Variants in PTPRT observed in about 807,000 individuals in gnomAD.
PTPRT encodes the protein protein tyrosine phosphatase receptor type T.
In PTPRT, 56 loss-of-function variants were observed where a neutral mutation model predicts 176.8. The observed-to-expected ratio is 0.32, with a 90% CI of 0.26 to 0.40. The LOEUF is 0.40. Among genes scored for constraint, PTPRT ranks in the 10% least tolerant of loss-of-function variants. PTPRT has a pLI of 1.00. For synonymous variants in PTPRT, 783 were observed against 739.0 expected (o/e 1.06, Z -0.96); for missense variants, 1,540 against 1,908.2 (o/e 0.81, Z 3.60).
chr20:42,274,225 G>C (rs1042149388), intron 13 of PTPRT, among the ~76,000 whole-genome samples: 1 of 152,218 alleles, frequency 6.6e-6, no homozygotes, highest in Non-Finnish European at 1.5e-5. Context: ...GTAAGTGGAA[G>C]TGGCATGAGT....
At chr20:42,255,586 C>T (rs903858141) in intron 13 of PTPRT, among the ~76,000 whole-genome samples, 1 of 152,212 alleles carries the variant, frequency 6.6e-6, no homozygotes, top group African/African-American at 2.4e-5. Flanking sequence ...AGGCCCATAT[C>T]AGGCTTGCAT....
intron 1 of PTPRT, among the ~76,000 whole-genome samples, chr20:43,036,575 A>C (rs1022332637): frequency 6.6e-6 from 1 of 152,238 alleles, no homozygotes. Flanking sequence ...ATTTACAAAA[A>C]AAAACCCCAT....
chr20:43,078,314 G>T (rs1421061259), intron 1 of PTPRT, among the ~76,000 whole-genome samples: 1 of 152,218 alleles, frequency 6.6e-6, no homozygotes, highest in African/African-American at 2.4e-5. Context: ...CCTTGAAGCT[G>T]ACCACTCAGC....
intron 1 of PTPRT, among the ~76,000 whole-genome samples, chr20:43,043,396 G>GA (rs796798840): frequency 4.7e-5 from 7 of 150,314 alleles, no homozygotes; most frequent in African/African-American, 1.5e-4. Flanking sequence ...AAGAAGGAAA[G>GA]AAAAAAAAAT....
intron 1 of PTPRT, among the ~76,000 whole-genome samples, chr20:43,148,246 AC>A (rs1471808522): frequency 6.6e-6 from 1 of 152,032 alleles, no homozygotes; most frequent in Admixed American, 6.6e-5. Context: ...TTCACATGTC[AC>A]TGTCCTAGCA....
chr20:42,638,781 T>C (rs1471721396), intron 7 of PTPRT, among the ~76,000 whole-genome samples: 2 of 152,208 alleles, frequency 1.3e-5, no homozygotes, highest in Non-Finnish European at 2.9e-5. Context: ...TCACATTGTT[T>C]CTGCAATTAA....
At position 42,705,857 on chromosome 20, in the gene PTPRT, G is replaced by A. The variant is rs972042729; in HGVS notation, c.860-27698C>T. ...GTAGTTGTCTGTCACATAATAATAA[G>A]CATTTAGTACATGTTAGCTATTGAT... On this transcript the variant is annotated intron_variant, in intron 6 of 30. Coordinates refer to ENST00000373187, the MANE Select transcript of PTPRT (RefSeq NM_007050.6). Among the ~76,000 whole-genome samples the A allele has an allele frequency of 2.0e-5, 3 of 152,134 alleles. No homozygotes were observed. In the South Asian group the frequency reaches 6.2e-4, roughly 31 times the overall value.
At chr20:42,638,630 T>C (rs1439877043) in intron 7 of PTPRT, among the ~76,000 whole-genome samples, 2 of 152,128 alleles carry the variant, frequency 1.3e-5, no homozygotes, top group African/African-American at 2.4e-5. Flanking sequence ...AAACCCAAGT[T>C]TGAGCACAAG....
chr20:42,841,952 C>G (rs2078286502), intron 2 of PTPRT, among the ~76,000 whole-genome samples: 1 of 152,204 alleles, frequency 6.6e-6, no homozygotes, highest in Non-Finnish European at 1.5e-5. Context: ...CAGCTTTGCC[C>G]TGCTCCCCAC....
intron 13 of PTPRT, among the ~76,000 whole-genome samples, chr20:42,281,108 C>T (rs192161200): frequency 3.5e-4 from 53 of 152,294 alleles, no homozygotes; most frequent in African/African-American, 1.1e-3. Flanking sequence ...CTAGCTCTCC[C>T]GATTGCTGTC....
intron 2 of PTPRT, among the ~76,000 whole-genome samples, chr20:42,811,386 GT>G (rs1013032966): frequency 5.9e-5 from 9 of 151,460 alleles, no homozygotes; most frequent in South Asian, 2.1e-4. Context: ...GTCACTTTAA[GT>G]TTTTTTTTAA....
chr20:42,035,389 A>G, the PTPRT span, among the ~76,000 whole-genome samples: 1 of 152,168 alleles, frequency 6.6e-6, no homozygotes, highest in Non-Finnish European at 1.5e-5. Context: ...AATATAATGT[A>G]GCTCCATACC....
chr20:42,810,440 TTGAATC>T (rs2077683126), intron 2 of PTPRT, among the ~76,000 whole-genome samples: 1 of 152,194 alleles, frequency 6.6e-6, no homozygotes, highest in South Asian at 2.1e-4. Flanking sequence ...TAAATATCTA[TTGAATC>T]TGAATCAGCT....
chr20:42,216,730 C>T (rs73268839), intron 15 of PTPRT, among the ~76,000 whole-genome samples: 6,966 of 152,232 alleles, frequency 0.046, 514 homozygotes, highest in African/African-American at 0.16. Context: ...TGAGCTTCCC[C>T]GTGTCTACGA....
At chr20:42,354,305 C>T (rs180847542) in intron 9 of PTPRT, among the ~76,000 whole-genome samples, 7 of 152,098 alleles carry the variant, frequency 4.6e-5, no homozygotes, top group Middle Eastern at 3.4e-3. Flanking sequence ...TCCTATGAAA[C>T]GCGCTTTTTT....
At chr20:42,101,419 G>A (rs2146233408) in intron 26 of PTPRT, among the ~76,000 whole-genome samples, 1 of 152,280 alleles carries the variant, frequency 6.6e-6, no homozygotes, top group Admixed American at 6.5e-5. Context: ...CCTTGGAGGG[G>A]AAGTGATGAT....
chr20:42,426,161 T>C (rs1235323177), intron 9 of PTPRT, among the ~76,000 whole-genome samples: 1 of 152,048 alleles, frequency 6.6e-6, no homozygotes, highest in Non-Finnish European at 1.5e-5. Flanking sequence ...CAGCCCTAAA[T>C]GGGAACAGGC....
intron 9 of PTPRT, among the ~76,000 whole-genome samples, chr20:42,397,077 T>C (rs998163242): frequency 6.6e-6 from 1 of 152,230 alleles, no homozygotes; most frequent in Non-Finnish European, 1.5e-5. Context: ...ATTCATTTAC[T>C]ATCTGTCGCA....
At position 42,289,641 on chromosome 20, in the gene PTPRT, G is replaced by T. The variant is rs1296552281; in HGVS notation, c.2140-7116C>A. On this transcript the variant is annotated intron_variant, in intron 12 of 30. Transcript: ENST00000373187. ...CAAAAAAATAACAGATGTTGGCAAG[G>T]TTGCAGAGAAAGGGGAATACTCTGT... 3.9e-5 allele frequency among the ~76,000 whole-genome samples: 6 copies of T among 152,208 alleles called. 1 individual carries two copies. The Middle Eastern group carries it at 0.014, about 345-fold the overall frequency.
Sources: allele counts gnomAD v4.1 joint callset (sites outside exome capture counted in the v4.1 genomes callset), GRCh38; gene constraint gnomAD v4.1.1; transcripts MANE v1.5; gene names NCBI Gene and HGNC (gene_info 2026-07-23, HGNC 2026-07-21).